The following KREMEN1 variants were observed in gnomAD, a reference collection of about 807,000 sequenced individuals.
The protein encoded by KREMEN1 is kringle containing transmembrane protein 1.
In KREMEN1, 30 loss-of-function variants were observed where a neutral mutation model predicts 46.5. The ratio of observed to expected loss-of-function variants is 0.65; its 90% CI spans 0.48 to 0.88. KREMEN1 has a LOEUF of 0.88. KREMEN1 is among the 40% of genes least tolerant of loss of function. The pLI is 0.00. For synonymous variants in KREMEN1, 214 were observed against 230.6 expected, an observed-to-expected ratio of 0.93 and a Z score of 0.65; for missense variants, 533 against 596.9, an observed-to-expected ratio of 0.89 and a Z score of 1.11.
chr22:29,076,420 G>C (rs1393277800), intron 1 of KREMEN1, among the ~76,000 whole-genome samples: 1 of 152,172 alleles, frequency 6.6e-6, no homozygotes, highest in Admixed American at 6.5e-5. Context: ...CGACATGGGG[G>C]CTGAAGCAGT....
chr22:29,122,492 C>T (rs1271155908), intron 4 of KREMEN1, among the ~76,000 whole-genome samples: 2 of 152,176 alleles, frequency 1.3e-5, no homozygotes, highest in Non-Finnish European at 2.9e-5. Context: ...CCTGTGTTCA[C>T]ATCAAGACTT....
chr22:29,163,607 C>T (rs990748670), intron 9 of KREMEN1, among the ~76,000 whole-genome samples: 8 of 152,052 alleles, frequency 5.3e-5, no homozygotes, highest in Non-Finnish European at 1.0e-4. Context: ...GAACTCCTGA[C>T]CTCAAGTGAT....
rs1005443373 is a variant in KREMEN1, at chr22:29,143,491, C to G, written c.*1379C>G. The stretch of plus-strand genomic sequence containing the variant: ...GGCGCGGTGGCTCATGCCTGTAATC[C>G]CAGCACTTTGGGAGGCTGAGGCGGG... On this transcript the variant is annotated 3_prime_UTR_variant, in exon 9 of 9. Transcript: ENST00000400335. 8 of 981,592 alleles carry G rather than the reference C, an allele frequency of 8.2e-6. No individual in the cohort carries two copies. Among genetic ancestry groups the G allele is most frequent in the Admixed American group, 6.2e-5 (1 of 16,246 alleles). The allele number at this position is 981,592 out of a possible 1,614,324, so 60.8% of individuals were successfully genotyped here. A position where few individuals can be genotyped will look rare whatever the true frequency, so the allele number is the denominator to read the frequency against.
intron 3 of KREMEN1, among the ~76,000 whole-genome samples, chr22:29,114,188 A>G: frequency 6.6e-6 from 1 of 152,052 alleles, no homozygotes; most frequent in East Asian, 1.9e-4. Context: ...GTGTCCCCAT[A>G]AGGAGAGGAA....
chr22:29,109,651 A>G (rs2038112491), intron 3 of KREMEN1, among the ~76,000 whole-genome samples: 2 of 152,190 alleles, frequency 1.3e-5, no homozygotes, highest in Admixed American at 1.3e-4. Flanking sequence ...CTGGAAAGCA[A>G]GAGTTAATTA....
chr22:29,152,009 T>TAAA (rs132285), intron 9 of KREMEN1, among the ~76,000 whole-genome samples: 8 of 132,666 alleles, frequency 6.0e-5, no homozygotes, highest in African/African-American at 8.5e-5. Context: ...GACTCTGTCT[T>TAAA]AAAAAAAAAA....
At position 29,104,616 on chromosome 22, in the gene KREMEN1, C is replaced by A. The variant is rs530940857; in HGVS notation, c.352+5663C>A. Reference sequence around the variant, plus strand: ...AGTTAGTAAATAAAGTTTAAAATCACAAGAACTTGGCTGGGCGCAGTGGCT... The same window carrying A: ...AGTTAGTAAATAAAGTTTAAAATCAAAAGAACTTGGCTGGGCGCAGTGGCT... On this transcript the variant is annotated intron_variant, in intron 3 of 8. Transcript: ENST00000400335. 2.0e-4 allele frequency among the ~76,000 whole-genome samples: 30 copies of A among 152,272 alleles called. No homozygotes were observed. The South Asian group carries it at 2.3e-3, about 12-fold the overall frequency.
chr22:29,104,843 G>A (rs2038029673), intron 3 of KREMEN1, among the ~76,000 whole-genome samples: 1 of 152,198 alleles, frequency 6.6e-6, no homozygotes, highest in African/African-American at 2.4e-5. Flanking sequence ...GCAGTGAGCT[G>A]AGATGGCGCC....
intron 5 of KREMEN1, among the ~76,000 whole-genome samples, chr22:29,131,710 GTATATA>G (rs1156394424): frequency 1.6e-5 from 2 of 125,436 alleles, no homozygotes; most frequent in African/African-American, 7.1e-5. Flanking sequence ...GTATATATAT[GTATATA>G]TGTATATATA....
intron 3 of KREMEN1, among the ~76,000 whole-genome samples, chr22:29,112,913 G>A (rs2038174845): frequency 6.7e-6 from 1 of 150,332 alleles, no homozygotes; most frequent in South Asian, 2.1e-4. Flanking sequence ...TGTCTTCTCC[G>A]ACTAGACTTC....
At chr22:29,167,288 G>T (rs1383232301) in exon 10 of KREMEN1, 1 of 619,224 alleles carries the variant, frequency 1.6e-6, no homozygotes. Flanking sequence ...GAGCCCAGGA[G>T]GTCGAGGCTG....
downstream of KREMEN1, among the ~76,000 whole-genome samples, chr22:29,150,568 A>T (rs2038907442): frequency 6.6e-6 from 1 of 152,054 alleles, no homozygotes; most frequent in Admixed American, 6.5e-5. Flanking sequence ...ACTTTTAAAA[A>T]CTTCACTGAG....
At position 29,121,443 on chromosome 22, in the gene KREMEN1, C is replaced by A; in HGVS notation, c.439C>A (p.Gln147Lys). ...TSKTSNKLTI[Q>K]TCISFCRSQR... is the part of the protein sequence containing the mutation. ...TAAAACGTCCAACAAACTCACCATA[C>A]AAACTTGCATCAGTTTTTGTCGGAG... The change falls in exon 4 of 9, where the codon CAA becomes AAA. Residue 147 changes from glutamine to lysine, a missense_variant. Gln to Lys is a moderately conservative substitution (Grantham distance 53). Coordinates refer to ENST00000400335, the MANE Select transcript of KREMEN1 (RefSeq NM_001039570.3). 6.2e-7 allele frequency: 1 copy of A among 1,614,130 alleles called. No homozygotes were observed. The highest frequency in any genetic ancestry group is 8.5e-7 in the Non-Finnish European group (1 of 1,179,976).
intron 9 of KREMEN1, among the ~76,000 whole-genome samples, chr22:29,164,476 C>G (rs1359525584): frequency 6.6e-6 from 1 of 152,160 alleles, no homozygotes; most frequent in South Asian, 2.1e-4. Flanking sequence ...AACAAACTAT[C>G]CAAAAATTTA....
intron 4 of KREMEN1, among the ~76,000 whole-genome samples, chr22:29,121,744 T>G (rs554079339): frequency 1.3e-4 from 20 of 152,202 alleles, no homozygotes; most frequent in Non-Finnish European, 2.1e-4. Flanking sequence ...TTATGAATGT[T>G]CTGGAATTAG....
exon 10 of KREMEN1, chr22:29,167,233 C>A: frequency 1.3e-6 from 1 of 767,804 alleles, no homozygotes; most frequent in Non-Finnish European, 2.2e-6. Context: ...GTGGTTCATG[C>A]CTGTAATACC....
At chr22:29,127,802 T>C (rs1454865092) in intron 5 of KREMEN1, among the ~76,000 whole-genome samples, 1 of 152,198 alleles carries the variant, frequency 6.6e-6, no homozygotes, top group Non-Finnish European at 1.5e-5. Context: ...CTAGCAACAT[T>C]ATTCATAATA....
In KREMEN1 at chr22:29,089,474, C is replaced by T. The variant is rs571285488; in HGVS notation, c.98-4784C>T. Among the ~76,000 whole-genome samples the T allele has an allele frequency of 3.6e-4, 55 of 152,290 alleles. No individual in the cohort carries two copies. In the South Asian group the frequency reaches 0.011, roughly 29 times the overall value. On this transcript the variant is annotated intron_variant, in intron 1 of 8. Transcript: ENST00000400335. Reference sequence around the variant, plus strand: ...CCACAGCTGCCAGCCTAGTCCAGGCCATCCTTGTTTCTCGCCCATCCTTCT... The same window carrying T: ...CCACAGCTGCCAGCCTAGTCCAGGCTATCCTTGTTTCTCGCCCATCCTTCT...
chr22:29,088,329 A>ACACACG (rs774613466), intron 1 of KREMEN1, among the ~76,000 whole-genome samples: 1 of 147,804 alleles, frequency 6.8e-6, no homozygotes, highest in Admixed American at 6.7e-5. Context: ...ACACACACAC[A>ACACACG]CGCACACACA....
Sources: allele counts gnomAD v4.1 joint callset (sites outside exome capture counted in the v4.1 genomes callset), GRCh38; gene constraint gnomAD v4.1.1; transcripts MANE v1.5; gene names NCBI Gene and HGNC (gene_info 2026-07-23, HGNC 2026-07-21).